The following PLXDC2 variants were observed in gnomAD, a reference collection of about 807,000 sequenced individuals.
The protein encoded by PLXDC2 is plexin domain containing 2.
A neutral mutation model predicts 68.9 loss-of-function variants in PLXDC2; 40 were observed. The observed-to-expected ratio is 0.58, with a 90% CI of 0.45 to 0.76. PLXDC2 has a LOEUF of 0.76. Among genes scored for constraint, PLXDC2 ranks in the 30% least tolerant of loss-of-function variants. The pLI is 0.00. For synonymous variants in PLXDC2, 243 were observed against 234.2 expected, an observed-to-expected ratio of 1.04 and a Z score of -0.34; for missense variants, 644 against 661.9, an observed-to-expected ratio of 0.97 and a Z score of 0.30.
At chr10:19,976,755 T>TTGTA (rs1554850228) in intron 1 of PLXDC2, among the ~76,000 whole-genome samples, 10 of 151,822 alleles carry the variant, frequency 6.6e-5, no homozygotes, top group African/African-American at 9.7e-5. Context: ...TCTCTCCCTT[T>TTGTA]TGTGTGTGTG....
chr10:19,883,621 A>G (rs896931081), intron 1 of PLXDC2, among the ~76,000 whole-genome samples: 10 of 152,076 alleles, frequency 6.6e-5, no homozygotes, highest in African/African-American at 1.9e-4. Context: ...ATGTTGAAAT[A>G]GTTTGAATAG....
intron 1 of PLXDC2, among the ~76,000 whole-genome samples, chr10:19,985,684 T>A (rs185367775): frequency 6.6e-6 from 1 of 152,202 alleles, no homozygotes; most frequent in Non-Finnish European, 1.5e-5. Flanking sequence ...ATCTTCAGAA[T>A]AAAAGCATTG....
chr10:19,821,947 A>G (rs1364458707), intron 1 of PLXDC2, among the ~76,000 whole-genome samples: 1 of 152,154 alleles, frequency 6.6e-6, no homozygotes, highest in Non-Finnish European at 1.5e-5. Flanking sequence ...CATTTTTAAT[A>G]ATATGTATTT....
At chr10:20,060,596 G>C (rs764878721) in intron 3 of PLXDC2, among the ~76,000 whole-genome samples, 3 of 151,850 alleles carry the variant, frequency 2.0e-5, no homozygotes, top group Admixed American at 1.3e-4. Context: ...CAAAGGCTCA[G>C]CCCAGCTTGC....
intron 1 of PLXDC2, among the ~76,000 whole-genome samples, chr10:19,889,267 T>G (rs1330840545): frequency 1.3e-5 from 2 of 152,108 alleles, no homozygotes; most frequent in Non-Finnish European, 2.9e-5. Flanking sequence ...TCTCTTCTTT[T>G]CATTGCCGGT....
chr10:19,893,466 T>C (rs752996373), intron 1 of PLXDC2, among the ~76,000 whole-genome samples: 1 of 152,208 alleles, frequency 6.6e-6, no homozygotes, highest in Non-Finnish European at 1.5e-5. Flanking sequence ...TTCTCAGTCG[T>C]AAATGTCTTT....
chr10:20,019,093 A>G (rs974187733), intron 2 of PLXDC2, among the ~76,000 whole-genome samples: 8 of 152,246 alleles, frequency 5.3e-5, no homozygotes, highest in Admixed American at 2.0e-4. Flanking sequence ...CAGCCAGGGT[A>G]ACATAGAGAG....
chr10:19,925,396 A>C (rs750340017), intron 1 of PLXDC2, among the ~76,000 whole-genome samples: 36 of 152,236 alleles, frequency 2.4e-4, no homozygotes, highest in Non-Finnish European at 5.0e-4. Context: ...CTCATTTCAG[A>C]ATAGTTAATG....
At chr10:20,058,155 G>A (rs7099228) in intron 3 of PLXDC2, among the ~76,000 whole-genome samples, 40,970 of 151,950 alleles carry the variant, frequency 0.27, 7,186 homozygotes, top group African/African-American at 0.5. Flanking sequence ...TAATTGGTAC[G>A]TAATATTTTA....
intron 10 of PLXDC2, among the ~76,000 whole-genome samples, chr10:20,212,168 T>A (rs1318626551): frequency 3.3e-5 from 5 of 151,940 alleles, no homozygotes; most frequent in Non-Finnish European, 7.4e-5. Context: ...AGGATTGGAA[T>A]CTGTAGAGGA....
intron 1 of PLXDC2, among the ~76,000 whole-genome samples, chr10:19,887,207 TA>T (rs1837863375): frequency 6.6e-6 from 1 of 152,076 alleles, no homozygotes; most frequent in Non-Finnish European, 1.5e-5. Context: ...AACATAATAG[TA>T]GAGAAGCTAG....
At chr10:20,176,726 T>C (rs1401975753) in intron 7 of PLXDC2, among the ~76,000 whole-genome samples, 1 of 152,110 alleles carries the variant, frequency 6.6e-6, no homozygotes, top group Admixed American at 6.6e-5. Flanking sequence ...AAAAAATCTT[T>C]AGTATAGTCT....
chr10:19,947,769 A>G (rs116552662), intron 1 of PLXDC2, among the ~76,000 whole-genome samples: 1,183 of 114,310 alleles, frequency 0.01, 18 homozygotes, highest in African/African-American at 0.037. Flanking sequence ...AACTTTTACT[A>G]TAGTTAATTA....
In PLXDC2 at chr10:20,058,704, AT is replaced by A. The variant is rs1836046721; in HGVS notation, c.472-9459del. 2.0e-5 allele frequency among the ~76,000 whole-genome samples: 3 copies of A among 152,114 alleles called. No homozygotes were observed. The South Asian group carries it at 6.2e-4, about 31-fold the overall frequency. The stretch of plus-strand genomic sequence containing the variant: ...ATTATCTGAACGATAAACACAAAAT[AT>A]TTTTTTGTCTTGCCCTGTTTGAGGA... On this transcript the variant is annotated intron_variant, in intron 3 of 13. Transcript: ENST00000377252.
chr10:19,991,839 C>T (rs1834756316), intron 1 of PLXDC2, among the ~76,000 whole-genome samples: 1 of 152,178 alleles, frequency 6.6e-6, no homozygotes. Flanking sequence ...CATCTGGCCT[C>T]TTCTGCCTCA....
intron 9 of PLXDC2, among the ~76,000 whole-genome samples, chr10:20,188,452 A>G (rs1034234613): frequency 5.3e-5 from 8 of 151,816 alleles, no homozygotes; most frequent in Non-Finnish European, 1.0e-4. Context: ...AGATTGCTCT[A>G]CAGCTCACTA....
intron 13 of PLXDC2, among the ~76,000 whole-genome samples, chr10:20,274,158 A>G (rs146523553): frequency 2.5e-3 from 374 of 152,246 alleles, no homozygotes; most frequent in Middle Eastern, 0.014. Context: ...TCTTGGAAAT[A>G]TGTGAAATGG....
Position 20,284,417 on chromosome 10 carries a change from G to GTGTA in PLXDC2, c.*4601_*4602insATGT, listed in dbSNP as rs1812523996. On this transcript the variant is annotated 3_prime_UTR_variant, in exon 14 of 14. Coordinates refer to ENST00000377252, the MANE Select transcript of PLXDC2 (RefSeq NM_032812.9). ...GAGATGATAGCAATTATGTGTGTGT[G>GTGTA]TGTGTGTGTGTGTGTGTGTGTGTTA... 6.7e-6 allele frequency: 1 copy of GTGTA among 149,784 alleles called. No individual in the cohort carries two copies. The highest frequency in any genetic ancestry group is 2.5e-5 in the African/African-American group (1 of 40,650). 9.3% of individuals were successfully genotyped at this position (149,784 alleles called of 1,614,324 possible). A position where few individuals can be genotyped will look rare whatever the true frequency, so the allele number is the denominator to read the frequency against.
At chr10:20,014,919 T>TG in intron 2 of PLXDC2, among the ~76,000 whole-genome samples, 1 of 152,076 alleles carries the variant, frequency 6.6e-6, no homozygotes, top group Non-Finnish European at 1.5e-5. Flanking sequence ...TGATCACTGG[T>TG]GAATGCAAAT....
Sources: allele counts gnomAD v4.1 joint callset (sites outside exome capture counted in the v4.1 genomes callset), GRCh38; gene constraint gnomAD v4.1.1; transcripts MANE v1.5; gene names NCBI Gene and HGNC (gene_info 2026-07-23, HGNC 2026-07-21).